Variants in ADAMTS17 observed in about 807,000 individuals in gnomAD.
ADAMTS17 encodes the protein ADAM metallopeptidase with thrombospondin type 1 motif 17.
Under a neutral mutation model 141.5 loss-of-function variants are expected in ADAMTS17, and 113 were observed. The observed-to-expected ratio is 0.80, with a 90% CI of 0.69 to 0.93. The LOEUF is 0.93. Ranked by LOEUF, ADAMTS17 falls within the 40% of genes least tolerant of loss-of-function variation. The pLI is 0.00. For synonymous variants in ADAMTS17, 768 were observed against 630.6 expected (o/e 1.22, Z -3.27); for missense variants, 1,659 against 1,517.9 (o/e 1.09, Z -1.54).
intron 18 of ADAMTS17, among the ~76,000 whole-genome samples, chr15:100,020,391 G>A (rs554070702): frequency 6.6e-6 from 1 of 152,298 alleles, no homozygotes; most frequent in South Asian, 2.1e-4. Flanking sequence ...AACTGTGTTC[G>A]AAGGGGCAGA....
At chr15:100,059,245 A>G (rs932213369) in intron 15 of ADAMTS17, among the ~76,000 whole-genome samples, 12 of 152,328 alleles carry the variant, frequency 7.9e-5, no homozygotes, top group African/African-American at 2.9e-4. Flanking sequence ...ACAGCCCCAG[A>G]AAGAATACAC....
At chr15:99,995,230 G>A (rs1373589656) in intron 19 of ADAMTS17, among the ~76,000 whole-genome samples, 1 of 152,166 alleles carries the variant, frequency 6.6e-6, no homozygotes, top group Non-Finnish European at 1.5e-5. Flanking sequence ...TCTGACTTGT[G>A]GGCTACCCCT....
intron 18 of ADAMTS17, among the ~76,000 whole-genome samples, chr15:100,025,569 G>A (rs1212543863): frequency 6.6e-6 from 1 of 151,762 alleles, no homozygotes; most frequent in Non-Finnish European, 1.5e-5. Flanking sequence ...TCGCCACCAC[G>A]CCCAGCTAAT....
intron 12 of ADAMTS17, among the ~76,000 whole-genome samples, chr15:100,118,138 C>A (rs2037256323): frequency 6.6e-6 from 1 of 152,164 alleles, no homozygotes; most frequent in Non-Finnish European, 1.5e-5. Context: ...CTGTGAAGGG[C>A]CAGATAGTGA....
intron 15 of ADAMTS17, among the ~76,000 whole-genome samples, chr15:100,087,714 A>G (rs1490484148): frequency 2.0e-5 from 3 of 152,256 alleles, no homozygotes; most frequent in Non-Finnish European, 2.9e-5. Flanking sequence ...AATCCAGCAT[A>G]TAAACAGAAC....
intron 12 of ADAMTS17, among the ~76,000 whole-genome samples, chr15:100,125,541 T>A (rs1298671535): frequency 6.6e-6 from 1 of 152,188 alleles, no homozygotes; most frequent in Non-Finnish European, 1.5e-5. Context: ...CTGCCCCTGC[T>A]GCACCTGCTG....
chr15:100,133,031 A>G (rs1356128212), intron 11 of ADAMTS17, among the ~76,000 whole-genome samples, 183 bp downstream of exon 11: 1 of 152,242 alleles, frequency 6.6e-6, no homozygotes, highest in East Asian at 1.9e-4. Context: ...TCTTATAAGA[A>G]AAAGGAATGA....
chr15:100,134,681 G>A (rs1039751316), intron 10 of ADAMTS17, among the ~76,000 whole-genome samples: 1 of 152,192 alleles, frequency 6.6e-6, no homozygotes, highest in African/African-American at 2.4e-5. Context: ...AGAAGTTGAA[G>A]GGATAAAAAT....
At chr15:100,161,278 G>A (rs540681038) in intron 8 of ADAMTS17, among the ~76,000 whole-genome samples, 17 of 152,328 alleles carry the variant, frequency 1.1e-4, no homozygotes, top group South Asian at 4.1e-4. Flanking sequence ...TGTTCTAGAC[G>A]GAACCTCTGC....
intron 8 of ADAMTS17, among the ~76,000 whole-genome samples, chr15:100,192,738 C>T (rs1416673443): frequency 6.6e-6 from 1 of 152,240 alleles, no homozygotes; most frequent in African/African-American, 2.4e-5. Flanking sequence ...ACAAGCATTT[C>T]CATGCTTCAC....
In ADAMTS17 at chr15:99,991,607, A is replaced by G. The variant is rs113074355; in HGVS notation, c.2949+1441T>C. 2.6e-5 allele frequency among the ~76,000 whole-genome samples: 4 copies of G among 152,382 alleles called. 1 individual carries two copies. Among genetic ancestry groups the G allele is most frequent in the South Asian group, 2.1e-4 (1 of 4,830 alleles). ...AATTAGTTCAACCATTGTGAAAGACAGTGTGGCGATTCCTCAAGGATCTAG... is the reference window on the plus strand; with the variant it reads ...AATTAGTTCAACCATTGTGAAAGACGGTGTGGCGATTCCTCAAGGATCTAG... On this transcript the variant is annotated intron_variant, in intron 20 of 21. Transcript: ENST00000268070.
At chr15:100,329,057 T>C (rs1042869264) in intron 3 of ADAMTS17, among the ~76,000 whole-genome samples, 1 of 152,062 alleles carries the variant, frequency 6.6e-6, no homozygotes, top group African/African-American at 2.4e-5. Context: ...TTGCCAGATG[T>C]CCCCAGGATG....
chr15:100,047,032 T>C (rs2031745773), intron 18 of ADAMTS17, among the ~76,000 whole-genome samples: 1 of 151,936 alleles, frequency 6.6e-6, no homozygotes, highest in Admixed American at 6.6e-5. Flanking sequence ...GCAAGGAACA[T>C]CCCTGAGAAA....
intron 8 of ADAMTS17, among the ~76,000 whole-genome samples, chr15:100,197,247 T>G (rs1169287444): frequency 6.6e-6 from 1 of 152,274 alleles, no homozygotes; most frequent in Non-Finnish European, 1.5e-5. Flanking sequence ...TGTGCCATGC[T>G]GCTGGATGCT....
chr15:100,248,089 C>A (rs1374355636), intron 7 of ADAMTS17, among the ~76,000 whole-genome samples: 1 of 152,118 alleles, frequency 6.6e-6, no homozygotes, highest in African/African-American at 2.4e-5. Flanking sequence ...AGCGCACAGA[C>A]CAGACTCCAA....
intron 3 of ADAMTS17, among the ~76,000 whole-genome samples, chr15:100,327,113 T>C (rs556310784): frequency 6.6e-6 from 1 of 152,184 alleles, no homozygotes; most frequent in Admixed American, 6.5e-5. Flanking sequence ...AGGGTATAAA[T>C]AACTCCCACA....
intron 3 of ADAMTS17, among the ~76,000 whole-genome samples, chr15:100,326,228 A>G (rs4965637): frequency 0.55 from 83,559 of 152,074 alleles, 23,522 homozygotes; most frequent in South Asian, 0.64. Flanking sequence ...ATATTAACTT[A>G]AAGAAACTCA....
At chr15:100,149,011 G>A (rs902735549) in intron 10 of ADAMTS17, among the ~76,000 whole-genome samples, 2 of 152,208 alleles carry the variant, frequency 1.3e-5, no homozygotes, top group Non-Finnish European at 2.9e-5. Context: ...GGCAGGATGA[G>A]GCCCAGAAGG....
chr15:100,054,170 G>T, intron 15 of ADAMTS17, 116 bp from the exon 16 acceptor site: 1 of 1,199,102 alleles, frequency 8.3e-7, no homozygotes, highest in Non-Finnish European at 1.2e-6. Flanking sequence ...TCCACAGGGG[G>T]AAGGAGGGAG....
Sources: gnomAD v4.1 joint callset for allele counts (sites outside exome capture counted in the v4.1 genomes callset) on GRCh38, gnomAD v4.1.1 for gene constraint, MANE v1.5 for transcripts, NCBI Gene and HGNC (gene_info 2026-07-23, HGNC 2026-07-21) for gene names.